The following FGF1 variants were observed in gnomAD, a reference collection of about 807,000 sequenced individuals.
FGF1 encodes the protein fibroblast growth factor 1, also known as beta-endothelial cell growth factor.
FGF1 carries 9 observed loss-of-function variants against 13.4 expected under a neutral mutation model. The ratio of observed to expected loss-of-function variants is 0.67; its 90% CI spans 0.40 to 1.17. The LOEUF (loss-of-function observed/expected upper bound fraction) is 1.17. Among genes scored for constraint, FGF1 ranks in the 50% most tolerant of loss-of-function variants. FGF1 has a pLI of 0.01. For synonymous variants in FGF1, 93 were observed against 79.0 expected, an observed-to-expected ratio of 1.18 and a Z score of -0.94; for missense variants, 156 against 192.7, an observed-to-expected ratio of 0.81 and a Z score of 1.13.
At chr5:142,674,683 G>T (rs887895013) in intron 1 of FGF1, among the ~76,000 whole-genome samples, 1 of 152,136 alleles carries the variant, frequency 6.6e-6, no homozygotes, top group Admixed American at 6.5e-5. Context: ...ACCAATGCAC[G>T]ACTCCCGATT....
chr5:142,679,590 C>T (rs909604107), intron 1 of FGF1, among the ~76,000 whole-genome samples: 1 of 152,212 alleles, frequency 6.6e-6, no homozygotes, highest in Non-Finnish European at 1.5e-5. Context: ...GCTGAATGAA[C>T]CTGACATGGC....
At chr5:142,688,813 C>T (rs377748741), upstream of FGF1, among the ~76,000 whole-genome samples, 54 of 152,332 alleles carry the variant, frequency 3.5e-4, no homozygotes, top group East Asian at 6.2e-3. Context: ...CTTTCGCATC[C>T]TAACAGATGG....
chr5:142,596,835 C>G (rs1271157293), intron 3 of FGF1, among the ~76,000 whole-genome samples: 1 of 151,996 alleles, frequency 6.6e-6, no homozygotes, highest in East Asian at 1.9e-4. Flanking sequence ...TCCCAAAACC[C>G]ACCACCCAGA....
At chr5:142,676,977 A>T (rs2152040654) in intron 1 of FGF1, among the ~76,000 whole-genome samples, 1 of 152,354 alleles carries the variant, frequency 6.6e-6, no homozygotes. Flanking sequence ...TACTCCTATA[A>T]CTTAAATACC....
At chr5:142,603,347 A>T (rs1340511031) in intron 2 of FGF1, among the ~76,000 whole-genome samples, 1 of 151,742 alleles carries the variant, frequency 6.6e-6, no homozygotes, top group Non-Finnish European at 1.5e-5. Context: ...AGTGTGTGAC[A>T]CTCTGCGCAC....
At position 142,627,519 on chromosome 5, in the gene FGF1, C is replaced by A. The variant is rs75566340; in HGVS notation, c.-34-13358G>T. Among the ~76,000 whole-genome samples, 113 of 152,292 alleles carry A rather than the reference C, an allele frequency of 7.4e-4. 1 individual carries two copies. In the East Asian group the frequency reaches 0.018, roughly 24 times the overall value. On this transcript the variant is annotated intron_variant, in intron 1 of 3. Coordinates refer to ENST00000337706, the MANE Select transcript of FGF1 (RefSeq NM_000800.5). ...AAGAACAGTTAGCAATCCCAGCATG[C>A]GGGTTTGTGTATTAAGGTGCTTGGA...
intron 3 of FGF1, among the ~76,000 whole-genome samples, chr5:142,597,855 G>A (rs567894354): frequency 6.6e-6 from 1 of 152,274 alleles, no homozygotes; most frequent in East Asian, 1.9e-4. Flanking sequence ...AATAATAGGT[G>A]CTCACCAGCT....
At chr5:142,697,473 A>G (rs999821297) in intron 2 of FGF1, 2 of 152,280 alleles carry the variant, frequency 1.3e-5, no homozygotes, top group Non-Finnish European at 2.9e-5. Context: ...TCTAGCATTC[A>G]TCACATAGAC....
intron 1 of FGF1, among the ~76,000 whole-genome samples, chr5:142,649,823 C>T (rs1303780076): frequency 6.6e-6 from 1 of 152,176 alleles, no homozygotes; most frequent in Non-Finnish European, 1.5e-5. Context: ...TTTTGTTTTA[C>T]CGTATACACT....
chr5:142,663,344 T>G (rs1769651155), intron 1 of FGF1, among the ~76,000 whole-genome samples: 1 of 152,122 alleles, frequency 6.6e-6, no homozygotes, highest in African/African-American at 2.4e-5. Flanking sequence ...AATTTCTTGT[T>G]GAAGTAGGAA....
chr5:142,646,426 C>T (rs556742097), intron 1 of FGF1, among the ~76,000 whole-genome samples: 2 of 151,708 alleles, frequency 1.3e-5, no homozygotes, highest in Non-Finnish European at 2.9e-5. Context: ...AATCTCGGCT[C>T]ACTGCAAATT....
At chr5:142,691,470 TAAAATA>T (rs1561774347) in intron 2 of FGF1, among the ~76,000 whole-genome samples, 4 of 127,296 alleles carry the variant, frequency 3.1e-5, no homozygotes, top group African/African-American at 1.0e-4. Context: ...TAAAATAAAA[TAAAATA>T]AAATAAATAA....
intron 2 of FGF1, among the ~76,000 whole-genome samples, chr5:142,601,788 A>T (rs1756625291): frequency 6.6e-6 from 1 of 152,040 alleles, no homozygotes; most frequent in East Asian, 1.9e-4. Context: ...ACAGAGTCAC[A>T]CTCTCCTCAT....
At chr5:142,667,721 AATATGCTGAAGG>A (rs1770699386) in intron 1 of FGF1, among the ~76,000 whole-genome samples, 1 of 152,196 alleles carries the variant, frequency 6.6e-6, no homozygotes, top group Non-Finnish European at 1.5e-5. Flanking sequence ...TCCCATGCTA[AATATGCTGAAGG>A]CCTCGGCGGG....
intron 2 of FGF1, among the ~76,000 whole-genome samples, chr5:142,695,934 G>T (rs1360961422): frequency 2.0e-5 from 3 of 152,202 alleles, no homozygotes; most frequent in Admixed American, 6.5e-5. Context: ...AGGGGAGACA[G>T]CACCAAGGTG....
chr5:142,646,636 C>T (rs1204546106), intron 1 of FGF1, among the ~76,000 whole-genome samples: 1 of 152,180 alleles, frequency 6.6e-6, no homozygotes, highest in African/African-American at 2.4e-5. Flanking sequence ...CAGGCGTGAG[C>T]CACTGCGCCT....
At chr5:142,654,758 G>A (rs969517229) in intron 1 of FGF1, among the ~76,000 whole-genome samples, 1 of 152,236 alleles carries the variant, frequency 6.6e-6, no homozygotes, top group Non-Finnish European at 1.5e-5. Flanking sequence ...CCTCTTTAGG[G>A]TTGGCTCCTT....
At chr5:142,624,527 C>T (rs956448283) in intron 1 of FGF1, among the ~76,000 whole-genome samples, 2 of 152,220 alleles carry the variant, frequency 1.3e-5, no homozygotes, top group African/African-American at 4.8e-5. Flanking sequence ...CATGGGTCTA[C>T]ATGTGTTACT....
rs1754865795 is a variant in FGF1, at chr5:142,594,526, T to C, written c.*764A>G. 1 of 152,330 alleles carries C rather than the reference T, an allele frequency of 6.6e-6. No homozygotes were observed. Among genetic ancestry groups the C allele is most frequent in the Non-Finnish European group, 1.5e-5 (1 of 68,142 alleles). The allele number at this position is 152,330 out of a possible 1,614,324, so 9.4% of individuals were successfully genotyped here. Reference sequence around the variant, plus strand: ...CACTCAGTCCCCAGATCCACATGAATTTCCCAGCTCTGATATCCTTGCTTG... The same window carrying C: ...CACTCAGTCCCCAGATCCACATGAACTTCCCAGCTCTGATATCCTTGCTTG... On this transcript the variant is annotated 3_prime_UTR_variant, in exon 4 of 4. Coordinates refer to ENST00000337706, the MANE Select transcript of FGF1 (RefSeq NM_000800.5).
Sources: allele counts gnomAD v4.1 joint callset (sites outside exome capture counted in the v4.1 genomes callset), GRCh38; gene constraint gnomAD v4.1.1; transcripts MANE v1.5; gene names NCBI Gene and HGNC (gene_info 2026-07-23, HGNC 2026-07-21).